The following NT5DC3 variants were observed in gnomAD, a reference collection of about 807,000 sequenced individuals.
NT5DC3 encodes the protein 5'-nucleotidase domain containing 3.
In NT5DC3, 42 loss-of-function variants were observed where a neutral mutation model predicts 67.8. The observed-to-expected ratio is 0.62, with a 90% CI of 0.48 to 0.80. NT5DC3 has a LOEUF of 0.80. NT5DC3 is among the 30% of genes least tolerant of loss of function. NT5DC3 has a pLI of 0.00. For missense variants in NT5DC3, 570 were observed against 696.4 expected, an observed-to-expected ratio of 0.82 and a Z score of 2.04; for synonymous variants, 237 against 255.6, an observed-to-expected ratio of 0.93 and a Z score of 0.69.
Position 103,776,078 on chromosome 12 carries a change from T to C in NT5DC3, c.*1751A>G, listed in dbSNP as rs988634761. The stretch of plus-strand genomic sequence containing the variant: ...GCTAATCTGAACAGAAGTATTGATA[T>C]AGCATATGCAATTAAAACAGTATTA... On this transcript the variant is annotated 3_prime_UTR_variant, in exon 14 of 14. Transcript: ENST00000392876. 2 of 152,154 alleles carry C rather than the reference T, an allele frequency of 1.3e-5. No homozygotes were observed. Among genetic ancestry groups the C allele is most frequent in the African/African-American group, 2.4e-5 (1 of 41,434 alleles). 9.4% of individuals were successfully genotyped at this position (152,154 alleles called of 1,614,324 possible). A position where few individuals can be genotyped will look rare whatever the true frequency, so the allele number is the denominator to read the frequency against.
chr12:103,799,011 A>G (rs1409068644), intron 4 of NT5DC3, among the ~76,000 whole-genome samples: 2 of 152,138 alleles, frequency 1.3e-5, no homozygotes, highest in Non-Finnish European at 2.9e-5. Flanking sequence ...CAGCTGAGGT[A>G]ACTGAAGCAA....
the NT5DC3 span, chr12:103,755,479 A>G: frequency 6.2e-7 from 1 of 1,612,938 alleles, no homozygotes; most frequent in Non-Finnish European, 8.5e-7. Context: ...TAACCGCCCC[A>G]GCTACACTTC....
At chr12:103,819,644 T>A (rs2139435233) in intron 1 of NT5DC3, 1 of 152,324 alleles carries the variant, frequency 6.6e-6, no homozygotes, top group South Asian at 2.1e-4. Context: ...CCCTGGCACT[T>A]CCAGTTTTCA....
At chr12:103,753,196 C>A in the NT5DC3 span, 2 of 1,612,638 alleles carry the variant, frequency 1.2e-6, no homozygotes. Context: ...CTGACCTGGG[C>A]GATTCCTCCT....
chr12:103,832,533 C>T (rs1016279443), intron 1 of NT5DC3, among the ~76,000 whole-genome samples: 1 of 151,890 alleles, frequency 6.6e-6, no homozygotes, highest in African/African-American at 2.4e-5. Flanking sequence ...ATTTTTTCTC[C>T]TTTCACTTCC....
chr12:103,785,714 C>A, intron 11 of NT5DC3: 1 of 586,840 alleles, frequency 1.7e-6, no homozygotes, highest in Non-Finnish European at 3.1e-6. Flanking sequence ...ACAACCCCTG[C>A]AGAAACACTA....
At chr12:103,764,778 T>C in the NT5DC3 span, among the ~76,000 whole-genome samples, 52 of 152,186 alleles carry the variant, frequency 3.4e-4, no homozygotes, top group African/African-American at 1.2e-3. Flanking sequence ...ATCAAACCCA[T>C]GTAAAGGCTT....
rs117069100 is a variant in NT5DC3 at position 103,787,999 on chromosome 12, C to T, written c.1102-472G>A. ...CTAATTTTTCAAGGCCTAGAAAATA[C>T]ACTTATTGCCAAATCCATCAGATTG... On this transcript the variant is annotated intron_variant, in intron 10 of 13. Transcript: ENST00000392876. Among the ~76,000 whole-genome samples the T allele has an allele frequency of 7.0e-3, 1,064 of 152,246 alleles. 17 individuals carry two copies. The highest frequency in any genetic ancestry group is 0.035 in the Admixed American group (540 of 15,290).
At position 103,785,418 on chromosome 12, in the gene NT5DC3, C is replaced by T. The variant is rs1357084100; in HGVS notation, c.1246G>A (p.Glu416Lys). The change falls in exon 12 of 14, where the codon GAG (glutamate) becomes AAG (lysine). Residue 416 changes from glutamate (E) to lysine (K), a missense_variant. This residue lies in a region of NT5DC3 where 466 missense variants were observed against 608.0 expected (regional missense o/e 0.77). Coordinates refer to ENST00000392876, the MANE Select transcript of NT5DC3 (RefSeq NM_001031701.3). ...TGAIIPELRS[E>K]LKIMNTEQYI... ...TGCTCCGTGTTCATGATTTTGAGCT[C>T]AGATCTCAACTCTGGGATGATTGCA... 6.2e-7 allele frequency: 1 copy of T among 1,614,030 alleles called. No homozygotes were observed. The highest frequency in any genetic ancestry group is 1.7e-5 in the Admixed American group (1 of 60,022).
chr12:103,798,722 C>A (rs1309962022), intron 4 of NT5DC3, 45 bp from the exon 5 acceptor site: 1 of 1,388,996 alleles, frequency 7.2e-7, no homozygotes, highest in Non-Finnish European at 1.0e-6. Context: ...ACTAGAGAAA[C>A]CAATGATTTT....
At chr12:103,840,683 C>A (rs1202489526) in intron 1 of NT5DC3, among the ~76,000 whole-genome samples, 2 of 152,118 alleles carry the variant, frequency 1.3e-5, no homozygotes, top group East Asian at 3.9e-4. Flanking sequence ...AGATTTCGGG[C>A]TAAAAATCCC....
intron 1 of NT5DC3, among the ~76,000 whole-genome samples, chr12:103,824,737 C>T (rs188655701): frequency 3.2e-4 from 48 of 152,294 alleles, no homozygotes; most frequent in African/African-American, 1.1e-3. Flanking sequence ...ACCCCCTAGC[C>T]TTTCCTCACA....
intron 13 of NT5DC3, among the ~76,000 whole-genome samples, chr12:103,779,550 A>C (rs1885462505): frequency 6.6e-6 from 1 of 152,120 alleles, no homozygotes; most frequent in Non-Finnish European, 1.5e-5. Context: ...GAATGGACTC[A>C]CTGCCCCCTC....
At chr12:103,748,515 T>G in the NT5DC3 span, among the ~76,000 whole-genome samples, 1 of 151,660 alleles carries the variant, frequency 6.6e-6, no homozygotes, top group South Asian at 2.1e-4. Context: ...GAGTCTCAGT[T>G]TGTTCATCTA....
intron 6 of NT5DC3, 43 bp downstream of exon 6, chr12:103,796,850 GC>G (rs1230977484): frequency 1.2e-6 from 2 of 1,609,438 alleles, no homozygotes; most frequent in Admixed American, 3.3e-5. Flanking sequence ...CACTGAAAAG[GC>G]TGAAACAGAC....
intron 9 of NT5DC3, among the ~76,000 whole-genome samples, chr12:103,791,951 C>T (rs1886084786): frequency 1.3e-5 from 2 of 152,184 alleles, no homozygotes; most frequent in Admixed American, 1.3e-4. Flanking sequence ...ATGAAACCGG[C>T]CCCTGGTGCC....
Position 103,778,034 on chromosome 12 carries a change from C to A in NT5DC3, c.1442G>T (p.Arg481Leu). 1 of 1,614,100 alleles carries A rather than the reference C, an allele frequency of 6.2e-7. No homozygotes were observed. The highest frequency in any genetic ancestry group is 2.2e-5 in the East Asian group (1 of 44,856). The change falls in exon 14 of 14, where the codon CGC becomes CTC. Residue 481 changes from arginine (R) to leucine (L), a missense_variant. Physicochemically the swap from Arg to Leu is moderately radical, Grantham distance 102 (BLOSUM62 -2). Transcript: ENST00000392876. ...FFNAQFGSLF[R>L]TDQNPTYFLR... ...GAAGTAGGTTGGGTTCTGGTCTGTG[C>A]GGAACAGGCTTCCAAACTGGGCATT... is the stretch of plus-strand genomic sequence containing the variant.
the NT5DC3 span, chr12:103,750,744 C>T: frequency 3.1e-6 from 5 of 1,598,588 alleles, no homozygotes; most frequent in South Asian, 3.3e-5. Flanking sequence ...GGGCCTATGG[C>T]CCAAAGCACC....
At chr12:103,798,781 G>A in intron 4 of NT5DC3, 104 bp from the exon 5 acceptor site, 2 of 794,402 alleles carry the variant, frequency 2.5e-6, no homozygotes, top group Non-Finnish European at 4.2e-6. Context: ...GCAAGGCACT[G>A]TCATCATGAC....
Sources: gnomAD v4.1 joint callset for allele counts (sites outside exome capture counted in the v4.1 genomes callset) on GRCh38, gnomAD v4.1.1 for gene constraint, gnomAD v4.1.1 regional missense constraint, MANE v1.5 for transcripts, NCBI Gene and HGNC (gene_info 2026-07-23, HGNC 2026-07-21) for gene names.